Variants in TRPM3 observed in about 807,000 individuals in gnomAD.
The protein encoded by TRPM3 is long transient receptor potential channel 3.
Under a neutral mutation model 181.2 loss-of-function variants are expected in TRPM3, and 77 were observed. That is an observed-to-expected ratio of 0.42 (90% confidence interval 0.35 to 0.51). The LOEUF is 0.51. TRPM3 is among the 20% of genes least tolerant of loss of function. The pLI is 0.01. For synonymous variants in TRPM3, 745 were observed against 796.4 expected (o/e 0.94, Z 1.09); for missense variants, 1,759 against 2,196.7 (o/e 0.80, Z 3.98).
chr9:70,628,548 G>T (rs1339039247), intron 12 of TRPM3, among the ~76,000 whole-genome samples: 1 of 152,074 alleles, frequency 6.6e-6, no homozygotes, highest in Non-Finnish European at 1.5e-5. Flanking sequence ...AAAATTTTAA[G>T]TGTGGGCTCA....
chr9:70,843,914 C>T (rs1406435332), intron 4 of TRPM3, among the ~76,000 whole-genome samples: 1 of 152,168 alleles, frequency 6.6e-6, no homozygotes, highest in Non-Finnish European at 1.5e-5. Context: ...TATCAAAATT[C>T]CACCCACTTC....
chr9:71,312,949 T>C (rs189494193), intron 1 of TRPM3, among the ~76,000 whole-genome samples: 4 of 152,270 alleles, frequency 2.6e-5, no homozygotes, highest in Admixed American at 2.6e-4. Flanking sequence ...GAAATTGCTC[T>C]GTATAGTACT....
At chr9:71,413,834 C>T (rs2131474667) in intron 1 of TRPM3, among the ~76,000 whole-genome samples, 1 of 151,070 alleles carries the variant, frequency 6.6e-6, no homozygotes, top group East Asian at 2.0e-4. Flanking sequence ...TCCCAGCCTC[C>T]AGGATTATGA....
chr9:71,255,626 G>A (rs1402068900), intron 1 of TRPM3, among the ~76,000 whole-genome samples: 1 of 152,104 alleles, frequency 6.6e-6, no homozygotes, highest in Non-Finnish European at 1.5e-5. Context: ...AGTCTATTCT[G>A]GTTTAATTTC....
intron 1 of TRPM3, among the ~76,000 whole-genome samples, chr9:71,080,881 C>A (rs2064205924): frequency 6.6e-6 from 1 of 152,120 alleles, no homozygotes; most frequent in African/African-American, 2.4e-5. Context: ...CTTGTGTGTA[C>A]ACAGTAAGCA....
intron 1 of TRPM3, among the ~76,000 whole-genome samples, chr9:71,390,245 A>C (rs1404783792): frequency 6.6e-6 from 1 of 152,042 alleles, no homozygotes; most frequent in Non-Finnish European, 1.5e-5. Flanking sequence ...AGTATATTTA[A>C]GAAAGAAGAG....
rs1156712947 is a variant in TRPM3 at position 70,615,368 on chromosome 9, C to T, written c.2526+540G>A. On this transcript the variant is annotated intron_variant, in intron 18 of 25. Transcript: ENST00000677713. ...AAGAAGCTGTCCCATGTCCAGCTGC[C>T]CCCTTCCCTCTGCAGAACAAAGCCT... Among the ~76,000 whole-genome samples, 4 of 152,214 alleles carry T rather than the reference C, an allele frequency of 2.6e-5. No individual in the cohort carries two copies. In the East Asian group the frequency reaches 7.7e-4, roughly 29 times the overall value.
chr9:71,398,204 A>G (rs536286157), intron 1 of TRPM3, among the ~76,000 whole-genome samples: 13 of 152,312 alleles, frequency 8.5e-5, no homozygotes, highest in African/African-American at 2.9e-4. Context: ...TCTCCTTTGA[A>G]AAGATATTTT....
intron 1 of TRPM3, among the ~76,000 whole-genome samples, chr9:71,429,270 G>A (rs1379852526): frequency 6.6e-6 from 1 of 152,086 alleles, no homozygotes; most frequent in Non-Finnish European, 1.5e-5. Flanking sequence ...AAGAATAAAA[G>A]AAGAATTGCC....
intron 1 of TRPM3, among the ~76,000 whole-genome samples, chr9:71,087,931 C>T (rs1157835419): frequency 1.3e-5 from 2 of 151,908 alleles, no homozygotes; most frequent in African/African-American, 2.4e-5. Context: ...ACATGATGTC[C>T]CTTGAATTCA....
At chr9:71,145,575 G>A (rs2075359365) in intron 1 of TRPM3, among the ~76,000 whole-genome samples, 1 of 152,122 alleles carries the variant, frequency 6.6e-6, no homozygotes, top group South Asian at 2.1e-4. Context: ...CAGATAATAT[G>A]AGGAATGGAC....
chr9:70,784,126 T>C lies in TRPM3; in HGVS notation c.1127A>G (p.His376Arg), dbSNP rs1435939059. The C allele has an allele frequency of 6.2e-7, 1 of 1,613,614 alleles. No homozygotes were observed. Among genetic ancestry groups the C allele is most frequent in the Non-Finnish European group, 8.5e-7 (1 of 1,179,734 alleles). The change falls in exon 7 of 26, where the codon CAT becomes CGT. Residue 376 changes from histidine to arginine, a missense_variant. By Grantham distance (29) the His-to-Arg change is conservative (BLOSUM62 0). This residue lies in a region of TRPM3 where 737 missense variants were observed against 957.4 expected (regional missense o/e 0.77). Transcript: ENST00000677713. ...GRASDILAFG[H>R]KYSEEGGLIN... ...CTACCCGCCTTCTTCTGAGTATTTA[T>C]GCCCAAAGGCCAGGATGTCCGATGC...
Position 70,535,578 on chromosome 9 carries a change from A to T in TRPM3, c.*375T>A. On this transcript the variant is annotated 3_prime_UTR_variant, in exon 26 of 26. Transcript: ENST00000677713. ...TTAGCCCTGCATCCTACAACTCTTG[A>T]TAATGGTCAGAAATCAACAGATGCC... is the stretch of plus-strand genomic sequence containing the variant. The T allele has an allele frequency of 1.3e-6, 2 of 1,516,936 alleles. No individual in the cohort carries two copies. Among genetic ancestry groups the T allele is most frequent in the South Asian group, 2.5e-5 (2 of 78,880 alleles). The allele number at this position is 1,516,936 out of a possible 1,614,324, so 94.0% of individuals were successfully genotyped here.
At chr9:71,391,911 A>C (rs1184788927) in intron 1 of TRPM3, among the ~76,000 whole-genome samples, 1 of 152,114 alleles carries the variant, frequency 6.6e-6, no homozygotes, top group South Asian at 2.1e-4. Context: ...AAGGCAATAC[A>C]TAATTTATAA....
At chr9:71,177,046 C>T (rs2077139117) in intron 1 of TRPM3, among the ~76,000 whole-genome samples, 2 of 152,090 alleles carry the variant, frequency 1.3e-5, no homozygotes, top group African/African-American at 4.8e-5. Context: ...TGCATTACCA[C>T]CTGAGCTCCA....
intron 1 of TRPM3, among the ~76,000 whole-genome samples, chr9:71,083,904 T>C (rs1012226159): frequency 6.6e-6 from 1 of 151,920 alleles, no homozygotes; most frequent in African/African-American, 2.4e-5. Flanking sequence ...TTTAACCAAC[T>C]TTTTCTTCCA....
At chr9:70,550,919 T>C (rs969263470) in intron 24 of TRPM3, among the ~76,000 whole-genome samples, 4 of 152,118 alleles carry the variant, frequency 2.6e-5, no homozygotes, top group Non-Finnish European at 5.9e-5. Flanking sequence ...GATTCACTCA[T>C]GAAATTACAC....
At chr9:71,326,748 T>C (rs1170043688) in intron 1 of TRPM3, among the ~76,000 whole-genome samples, 1 of 152,142 alleles carries the variant, frequency 6.6e-6, no homozygotes, top group African/African-American at 2.4e-5. Flanking sequence ...CCAGCTAGAA[T>C]TTCCCTAGGC....
intron 1 of TRPM3, among the ~76,000 whole-genome samples, chr9:71,011,798 T>C (rs2097745414): frequency 2.7e-5 from 4 of 148,882 alleles, no homozygotes; most frequent in African/African-American, 4.9e-5. Flanking sequence ...TTGTTTTTTT[T>C]CAGACAGTAT....
Sources: gnomAD v4.1 joint callset for allele counts (sites outside exome capture counted in the v4.1 genomes callset) on GRCh38, gnomAD v4.1.1 for gene constraint, gnomAD v4.1.1 regional missense constraint, MANE v1.5 for transcripts, NCBI Gene and HGNC (gene_info 2026-07-23, HGNC 2026-07-21) for gene names.